IL17RD: variants seen among roughly 807,000 people sequenced by gnomAD.
IL17RD encodes interleukin-17 receptor D.
A neutral mutation model predicts 80.5 loss-of-function variants in IL17RD; 52 were observed. That is an observed-to-expected ratio of 0.65 (90% CI 0.52 to 0.81). IL17RD has a LOEUF of 0.81. IL17RD is among the 40% of genes least tolerant of loss of function. The pLI, the probability that IL17RD is intolerant of heterozygous loss-of-function variation, is 0.00. For synonymous variants in IL17RD, 416 were observed against 391.8 expected, an observed-to-expected ratio of 1.06 and a Z score of -0.73; for missense variants, 1,024 against 955.1, an observed-to-expected ratio of 1.07 and a Z score of -0.95.
At chr3:57,101,542 G>A (rs1173147710) in intron 10 of IL17RD, among the ~76,000 whole-genome samples, 179 bp from the exon 11 acceptor site, 10 of 152,160 alleles carry the variant, frequency 6.6e-5, no homozygotes, top group Non-Finnish European at 1.5e-5. Context: ...TTTCCGCAGT[G>A]GAGCAACGAA....
At chr3:57,160,628 A>T (rs2060297413) in intron 1 of IL17RD, among the ~76,000 whole-genome samples, 1 of 151,986 alleles carries the variant, frequency 6.6e-6, no homozygotes, top group South Asian at 2.1e-4. Context: ...GACCCCTTTT[A>T]TCGGTCAGGG....
intron 1 of IL17RD, among the ~76,000 whole-genome samples, chr3:57,160,971 T>C (rs1391938581): frequency 6.6e-6 from 1 of 152,148 alleles, no homozygotes; most frequent in African/African-American, 2.4e-5. Flanking sequence ...CGGAGCTATA[T>C]GCCCAAGTTA....
intron 1 of IL17RD, among the ~76,000 whole-genome samples, chr3:57,130,594 C>T (rs1707585565): frequency 6.6e-6 from 1 of 152,100 alleles, no homozygotes; most frequent in African/African-American, 2.4e-5. Flanking sequence ...AGTAGTCAGC[C>T]CAGAGGTGAA....
Position 57,110,642 on chromosome 3 carries a change from T to C in IL17RD, c.311-331A>G, listed in dbSNP as rs9682113. Among the ~76,000 whole-genome samples, 4,485 of 152,330 alleles carry C rather than the reference T, an allele frequency of 0.029. 211 individuals are homozygous for C. Among genetic ancestry groups the C allele is most frequent in the African/African-American group, 0.1 (4,173 of 41,546 alleles). ...AAAAAGTCTGAAGTGGAATATATAA[T>C]TTCTAGGTCATTACACAGAATACAT... On this transcript the variant is annotated intron_variant, in intron 3 of 12. Coordinates refer to ENST00000296318, the MANE Select transcript of IL17RD (RefSeq NM_017563.5).
At chr3:57,146,506 G>A (rs1425986055) in intron 1 of IL17RD, among the ~76,000 whole-genome samples, 14 of 151,996 alleles carry the variant, frequency 9.2e-5, no homozygotes, top group Admixed American at 9.2e-4. Flanking sequence ...ATCCCAGCAC[G>A]TTGGAAGGCC....
rs776327365 is a variant in IL17RD at position 57,096,449 on chromosome 3, C to T, written c.2164G>A (p.Ala722Thr). Residue 722 changes from alanine (A) to threonine (T), a missense_variant, in exon 13 of 13, where the codon GCA (alanine) becomes ACA (threonine). Transcript: ENST00000296318. Reference protein sequence around the residue: ...SKLLSSGSCKADLGCRSYTDE... With the variant: ...SKLLSSGSCKTDLGCRSYTDE... ...GTGTAGCTGCGGCAACCAAGATCTG[C>T]TTTGCATGACCCAGAAGAGAGGAGC... is the stretch of plus-strand genomic sequence containing the variant. 10 of 1,613,976 alleles carry T rather than the reference C, an allele frequency of 6.2e-6. No individual in the cohort carries two copies. The highest frequency in any genetic ancestry group is 8.5e-6 in the Non-Finnish European group (10 of 1,179,858).
chr3:57,098,334 T>C lies in IL17RD; in HGVS notation c.1369A>G (p.Ile457Val), dbSNP rs1391857278. 2 of 1,614,006 alleles carry C rather than the reference T, an allele frequency of 1.2e-6. No individual in the cohort carries two copies. Among genetic ancestry groups the C allele is most frequent in the Non-Finnish European group, 1.7e-6 (2 of 1,179,886 alleles). The change falls in exon 12 of 13, where the codon ATT becomes GTT. Residue 457 changes from isoleucine (I) to valine (V), a missense_variant. Physicochemically the swap from Ile to Val is conservative, Grantham distance 29. Coordinates refer to ENST00000296318, the MANE Select transcript of IL17RD (RefSeq NM_017563.5). ...TTGGCCTGGCGGAGCTTTTCGGCAA[T>C]GGCTGACACCGCCACCAGGAAGAGC... ...GELFLVAVSA[I>V]AEKLRQAKQS...
At chr3:57,128,249 C>T (rs950171626) in intron 1 of IL17RD, among the ~76,000 whole-genome samples, 4 of 152,102 alleles carry the variant, frequency 2.6e-5, no homozygotes, top group Non-Finnish European at 5.9e-5. Flanking sequence ...CAAAAAGACC[C>T]GGAGATCTTA....
chr3:57,097,273 C>A (rs1706699755), intron 12 of IL17RD, among the ~76,000 whole-genome samples: 1 of 152,118 alleles, frequency 6.6e-6, no homozygotes, highest in African/African-American at 2.4e-5. Context: ...AAACTGTTAC[C>A]CAAGACCCTT....
rs373376492 is a variant in IL17RD, at chr3:57,153,916, T to TGGCAACAAC, written c.126+11236_126+11244dup. Among the ~76,000 whole-genome samples, 651 of 152,136 alleles carry TGGCAACAAC rather than the reference T, an allele frequency of 4.3e-3. 3 individuals are homozygous for TGGCAACAAC. Among genetic ancestry groups the TGGCAACAAC allele is most frequent in the African/African-American group, 0.014 (597 of 41,496 alleles). ...TGCTTGAGGGGTTGGGGGGTTGGGA[T>TGGCAACAAC]GGCAACAACTTCATCTTCCTGTATC... On this transcript the variant is annotated intron_variant, in intron 1 of 12. Transcript: ENST00000296318.
At chr3:57,149,854 A>G (rs1373193233) in intron 1 of IL17RD, among the ~76,000 whole-genome samples, 2 of 152,090 alleles carry the variant, frequency 1.3e-5, no homozygotes, top group Non-Finnish European at 2.9e-5. Context: ...GGCCATCTCA[A>G]CTGACACCTA....
At position 57,127,193 on chromosome 3, in the gene IL17RD, TATATAAATATATATAAAA is replaced by T. The variant is rs1559476629; in HGVS notation, c.127-6898_127-6881del. On this transcript the variant is annotated intron_variant, in intron 1 of 12. Coordinates refer to ENST00000296318, the MANE Select transcript of IL17RD (RefSeq NM_017563.5). ...ACTAAGGCCAACTCATATATATATA[TATATAAATATATATAAAA>T]ATATATATAAATATATATAAAAATA... Among the ~76,000 whole-genome samples, 22 of 118,814 alleles carry T rather than the reference TATATAAATATATATAAAA, an allele frequency of 1.9e-4. No homozygotes were observed. In the East Asian group the frequency reaches 2.2e-3, roughly 12 times the overall value. 77.9% of individuals were successfully genotyped at this position (118,814 alleles called of 152,430 possible). A position where few individuals can be genotyped will look rare whatever the true frequency, so the allele number is the denominator to read the frequency against.
intron 3 of IL17RD, among the ~76,000 whole-genome samples, chr3:57,114,241 G>A (rs2107489824): frequency 6.6e-6 from 1 of 151,602 alleles, no homozygotes; most frequent in East Asian, 1.9e-4. Context: ...TGATTTCATT[G>A]TCTTTCATGA....
At chr3:57,131,879 C>T (rs1707616614) in intron 1 of IL17RD, among the ~76,000 whole-genome samples, 1 of 152,198 alleles carries the variant, frequency 6.6e-6, no homozygotes, top group African/African-American at 2.4e-5. Context: ...AGTGGTTTTA[C>T]TTCGGTGATT....
intron 1 of IL17RD, among the ~76,000 whole-genome samples, chr3:57,159,743 C>G (rs899382309): frequency 1.3e-5 from 2 of 152,216 alleles, no homozygotes; most frequent in African/African-American, 4.8e-5. Flanking sequence ...GAGGTCTGCT[C>G]TAAGGCCACT....
chr3:57,103,145 G>C lies in IL17RD; in HGVS notation c.814C>G (p.Leu272Val). 4 of 1,601,596 alleles carry C rather than the reference G, an allele frequency of 2.5e-6. No homozygotes were observed. Among genetic ancestry groups the C allele is most frequent in the Non-Finnish European group, 3.4e-6 (4 of 1,173,308 alleles). Residue 272 changes from leucine to valine, a missense_variant and splice_region_variant, in exon 9 of 13, where the codon CTG becomes GTG. Coordinates refer to ENST00000296318, the MANE Select transcript of IL17RD (RefSeq NM_017563.5). ...NVSPGDYIIE[L>V]VDDTNTTRKV... ...CTTGTTGTGTTAGTGTCATCCACCA[G>C]CTGCAAAACAGAGGATGCTGCATTA...
At chr3:57,114,667 A>T in intron 3 of IL17RD, 25 bp downstream of exon 3, 1 of 1,585,408 alleles carries the variant, frequency 6.3e-7, no homozygotes. Flanking sequence ...GGTTATCACC[A>T]TGCACTCGAT....
At chr3:57,166,154 C>A (rs1026649732), upstream of IL17RD, among the ~76,000 whole-genome samples, 3 of 152,152 alleles carry the variant, frequency 2.0e-5, no homozygotes, top group East Asian at 3.9e-4. Flanking sequence ...CCCAAGCTAT[C>A]CAGAGTTTCA....
Position 57,096,331 on chromosome 3 carries a change from T to G in IL17RD, c.*62A>C. On this transcript the variant is annotated 3_prime_UTR_variant, in exon 13 of 13. Transcript: ENST00000296318. Reference sequence around the variant, plus strand: ...CAAGTGGGCCATGCAACCAGGGAGATGAGCTGGGGAATCAGAGGGAGGCAG... The same window carrying G: ...CAAGTGGGCCATGCAACCAGGGAGAGGAGCTGGGGAATCAGAGGGAGGCAG... 14 of 1,107,266 alleles carry G rather than the reference T, an allele frequency of 1.3e-5. No homozygotes were observed. The highest frequency in any genetic ancestry group is 1.7e-5 in the Non-Finnish European group (12 of 717,100). The allele number at this position is 1,107,266 out of a possible 1,614,324, so 68.6% of individuals were successfully genotyped here. A position where few individuals can be genotyped will look rare whatever the true frequency, so the allele number is the denominator to read the frequency against.
Sources: gnomAD v4.1 joint callset for allele counts (sites outside exome capture counted in the v4.1 genomes callset) on GRCh38, gnomAD v4.1.1 for gene constraint, MANE v1.5 for transcripts, NCBI Gene and HGNC (gene_info 2026-07-23, HGNC 2026-07-21) for gene names.